INPP5A: variants seen among roughly 807,000 people sequenced by gnomAD.
INPP5A encodes inositol polyphosphate-5-phosphatase A, also known as 43 kDa inositol polyphosphate 5-phophatase.
A neutral mutation model predicts 65.2 loss-of-function variants in INPP5A; 14 were observed. That is an observed-to-expected ratio of 0.21 (90% CI 0.14 to 0.34). The LOEUF is 0.34. INPP5A is among the 10% of genes least tolerant of loss of function. INPP5A has a pLI of 1.00. For synonymous variants in INPP5A, 207 were observed against 208.3 expected (o/e 0.99, Z 0.05); for missense variants, 431 against 545.6 (o/e 0.79, Z 2.09).
At chr10:132,565,533 G>T (rs773391891) in intron 1 of INPP5A, among the ~76,000 whole-genome samples, 5 of 152,188 alleles carry the variant, frequency 3.3e-5, no homozygotes, top group Non-Finnish European at 5.9e-5. Context: ...CAAGACAAAA[G>T]CCTTCCTGTG....
intron 4 of INPP5A, among the ~76,000 whole-genome samples, chr10:132,656,839 T>C (rs749320978): frequency 2.6e-5 from 4 of 152,178 alleles, no homozygotes; most frequent in African/African-American, 7.2e-5. Context: ...CCCTTCCCTA[T>C]GCAGCAGGGC....
At position 132,538,862 on chromosome 10, in the gene INPP5A, C is replaced by T. The variant is rs1590813782; in HGVS notation, c.75+691C>T. Among the ~76,000 whole-genome samples, 1 of 152,218 alleles carries T rather than the reference C, an allele frequency of 6.6e-6. No homozygotes were observed. The highest frequency in any genetic ancestry group is 2.4e-5 in the African/African-American group (1 of 41,452). On this transcript the variant is annotated intron_variant, in intron 1 of 15. Coordinates refer to ENST00000368594, the MANE Select transcript of INPP5A (RefSeq NM_005539.5). This position sits in a 1 kb window ranked among gnomAD's most constrained non-coding sequence, Gnocchi z 4.1. ...TGAATTCTAGCCCTAGAATCCCAGC[C>T]TTCATACTGTGGCCCTTTGCCTCTA...
At position 132,749,498 on chromosome 10, in the gene INPP5A, C is replaced by T. The variant is rs375348334; in HGVS notation, c.733-19C>T. On this transcript the variant is annotated intron_variant, in intron 9 of 15. Coordinates refer to ENST00000368594, the MANE Select transcript of INPP5A (RefSeq NM_005539.5). ...GGTGGGCCCCCCTGGGACTTATCTCCGTTGCTGTCTTTCTGCAGACGCTCT... is the reference window on the plus strand; with the variant it reads ...GGTGGGCCCCCCTGGGACTTATCTCTGTTGCTGTCTTTCTGCAGACGCTCT... 4.7e-5 allele frequency: 75 copies of T among 1,611,386 alleles called. 1 individual carries two copies. The Admixed American group carries it at 7.7e-4, about 16-fold the overall frequency.
rs76301846 is a variant in INPP5A, at chr10:132,627,940, C to T, written c.118-17928C>T. On this transcript the variant is annotated intron_variant, in intron 2 of 15. Transcript: ENST00000368594. This position sits in a 1 kb window ranked among gnomAD's most constrained non-coding sequence, Gnocchi z 6.6. ...GGAGAGAAACTGGAGATAAGGGACG[C>T]GAATCTGACTCGGTGACTTTGTTGT... Among the ~76,000 whole-genome samples, 1,168 of 152,104 alleles carry T rather than the reference C, an allele frequency of 7.7e-3. 6 individuals are homozygous for T. The highest frequency in any genetic ancestry group is 0.013 in the Non-Finnish European group (884 of 67,978).
rs535115916 is a variant in INPP5A, at chr10:132,554,317, G to A, written c.75+16146G>A. On this transcript the variant is annotated intron_variant, in intron 1 of 15. Coordinates refer to ENST00000368594, the MANE Select transcript of INPP5A (RefSeq NM_005539.5). Reference sequence around the variant, plus strand: ...CTTCTGAGCTCCAGCAGGAGATGAGGGATTTGTCCAGTGGCTGGAGGGTGG... The same window carrying A: ...CTTCTGAGCTCCAGCAGGAGATGAGAGATTTGTCCAGTGGCTGGAGGGTGG... Among the ~76,000 whole-genome samples the A allele has an allele frequency of 2.6e-4, 39 of 152,270 alleles. 1 individual carries two copies. The South Asian group carries it at 8.1e-3, about 32-fold the overall frequency.
chr10:132,765,027 T>G (rs1846816666), intron 11 of INPP5A, among the ~76,000 whole-genome samples: 1 of 141,906 alleles, frequency 7.0e-6, no homozygotes, highest in Non-Finnish European at 1.5e-5. Flanking sequence ...GGGCCAGTCC[T>G]GCAGGGGTGG....
intron 8 of INPP5A, among the ~76,000 whole-genome samples, chr10:132,720,946 G>C (rs1845862990): frequency 1.3e-5 from 2 of 150,752 alleles, no homozygotes; most frequent in Non-Finnish European, 3.0e-5. Flanking sequence ...GTTCTGTCTG[G>C]GCGCCTTAGA....
intron 8 of INPP5A, among the ~76,000 whole-genome samples, chr10:132,725,749 A>G (rs1024000954): frequency 2.6e-5 from 4 of 152,224 alleles, no homozygotes. Context: ...CCTGGCTAAT[A>G]ACCTGAGTTT....
intron 13 of INPP5A, among the ~76,000 whole-genome samples, chr10:132,780,452 C>A (rs1195500390): frequency 6.6e-6 from 1 of 152,376 alleles, no homozygotes; most frequent in Non-Finnish European, 1.5e-5. Context: ...GAGGAGCACA[C>A]CTGCACAGAA....
chr10:132,751,727 C>G (rs1315042388), intron 11 of INPP5A, among the ~76,000 whole-genome samples: 877 of 49,196 alleles, frequency 0.018, no homozygotes, highest in Middle Eastern at 0.044. Context: ...TGTCTGGGTG[C>G]AGGCAGGTGC....
At chr10:132,563,050 A>G (rs1326217374) in intron 1 of INPP5A, among the ~76,000 whole-genome samples, 1 of 152,106 alleles carries the variant, frequency 6.6e-6, no homozygotes, top group Non-Finnish European at 1.5e-5. Flanking sequence ...GCAGGAGGTG[A>G]GGAGGTGCCA....
In INPP5A at chr10:132,616,633, T is replaced by C. The variant is rs2072037544; in HGVS notation, c.117+8677T>C. Reference sequence around the variant, plus strand: ...GGGGTTGCAGTGGTGACATGGGACATGGTAGTGACATGGGACATGGTGACA... The same window carrying C: ...GGGGTTGCAGTGGTGACATGGGACACGGTAGTGACATGGGACATGGTGACA... On this transcript the variant is annotated intron_variant, in intron 2 of 15. Transcript: ENST00000368594. This position sits in a 1 kb window ranked among gnomAD's most constrained non-coding sequence, Gnocchi z 4.9. Among the ~76,000 whole-genome samples, 1 of 151,580 alleles carries C rather than the reference T, an allele frequency of 6.6e-6. No individual in the cohort carries two copies. The highest frequency in any genetic ancestry group is 2.4e-5 in the African/African-American group (1 of 41,182).
rs559797464 is a variant in INPP5A, at chr10:132,748,900, C to T, written c.733-617C>T. Reference sequence around the variant, plus strand: ...GTCGGTGTGATCGCTGGGACCCTGGCGGGAGCCTGAGTTGTTCTTGGGTCC... The same window carrying T: ...GTCGGTGTGATCGCTGGGACCCTGGTGGGAGCCTGAGTTGTTCTTGGGTCC... On this transcript the variant is annotated intron_variant, in intron 9 of 15. Transcript: ENST00000368594. 3.3e-5 allele frequency among the ~76,000 whole-genome samples: 5 copies of T among 152,352 alleles called. No individual in the cohort carries two copies. The South Asian group carries it at 6.2e-4, about 19-fold the overall frequency.
intron 11 of INPP5A, among the ~76,000 whole-genome samples, chr10:132,759,559 C>T (rs1218279558): frequency 6.6e-6 from 1 of 152,080 alleles, no homozygotes; most frequent in African/African-American, 2.4e-5. Flanking sequence ...GGCCCAGCAT[C>T]GGAAGTTCCA....
rs934878594 is a variant in INPP5A at position 132,644,569 on chromosome 10, T to G, written c.118-1299T>G. 2.0e-5 allele frequency among the ~76,000 whole-genome samples: 3 copies of G among 152,184 alleles called. No individual in the cohort carries two copies. The highest frequency in any genetic ancestry group is 4.4e-5 in the Non-Finnish European group (3 of 68,026). ...ACAGCTCCACCTGGCTCACAGTGAG[T>G]GCCGTGTCGTCGTGAGCACCTCCAG... On this transcript the variant is annotated intron_variant, in intron 2 of 15. Transcript: ENST00000368594. This position sits in a 1 kb window ranked among gnomAD's most constrained non-coding sequence, Gnocchi z 6.5.
chr10:132,583,165 G>A (rs538806466), intron 1 of INPP5A, among the ~76,000 whole-genome samples: 123 of 152,248 alleles, frequency 8.1e-4, no homozygotes, highest in African/African-American at 2.8e-3. Context: ...GAATTGTTAC[G>A]TAGTTTATGT....
chr10:132,541,263 C>T (rs1292655919), intron 1 of INPP5A, among the ~76,000 whole-genome samples: 1 of 152,186 alleles, frequency 6.6e-6, no homozygotes, highest in African/African-American at 2.4e-5. Context: ...CAGGTGTGAG[C>T]CACTGTCCCT....
intron 4 of INPP5A, among the ~76,000 whole-genome samples, chr10:132,687,193 C>T (rs1329100339): frequency 6.6e-6 from 1 of 152,234 alleles, no homozygotes; most frequent in Non-Finnish European, 1.5e-5. Context: ...GATCCGCTGC[C>T]TCGCCCCCAC....
intron 11 of INPP5A, among the ~76,000 whole-genome samples, chr10:132,764,796 C>T (rs1175180473): frequency 1.4e-5 from 2 of 138,378 alleles, no homozygotes; most frequent in Non-Finnish European, 3.1e-5. Context: ...GAAACACGGT[C>T]GGGCCAGTCC....
Sources: allele counts gnomAD v4.1 joint callset (sites outside exome capture counted in the v4.1 genomes callset), GRCh38; gene constraint gnomAD v4.1.1; non-coding constraint Gnocchi (gnomAD v3.1); transcripts MANE v1.5; gene names NCBI Gene and HGNC (gene_info 2026-07-23, HGNC 2026-07-21).